Variants in NAALADL2 observed in about 807,000 individuals in gnomAD.
NAALADL2 encodes the protein inactive N-acetylated-alpha-linked acidic dipeptidase-like protein 2.
In NAALADL2, 76 loss-of-function variants were observed where a neutral mutation model predicts 87.2. The observed-to-expected ratio is 0.87, with a 90% CI of 0.72 to 1.05. The LOEUF is 1.05. NAALADL2 is among the 50% of genes least tolerant of loss of function. The pLI, the probability that NAALADL2 is intolerant of heterozygous loss-of-function variation, is 0.00. For synonymous variants in NAALADL2, 354 were observed against 331.0 expected (o/e 1.07, Z -0.75); for missense variants, 1,089 against 945.8 (o/e 1.15, Z -1.99).
At chr3:175,069,782 A>G (rs1715252663) in intron 1 of NAALADL2, among the ~76,000 whole-genome samples, 1 of 151,700 alleles carries the variant, frequency 6.6e-6, no homozygotes, top group Admixed American at 6.6e-5. Context: ...ACAATGATAG[A>G]CTGGATTAAG....
intron 5 of NAALADL2, among the ~76,000 whole-genome samples, chr3:175,348,404 T>C (rs1186912995): frequency 6.6e-6 from 1 of 152,212 alleles, no homozygotes; most frequent in Non-Finnish European, 1.5e-5. Flanking sequence ...TACCATAGAC[T>C]TGTGTATTAG....
At chr3:174,754,196 A>G (rs907540877) in intron 3 of NAALADL2, among the ~76,000 whole-genome samples, 9 of 152,222 alleles carry the variant, frequency 5.9e-5, no homozygotes, top group African/African-American at 2.2e-4. Flanking sequence ...TAGGGATTCT[A>G]ATGAGAAACT....
At chr3:174,444,290 G>A (rs1189351697) in intron 1 of NAALADL2, among the ~76,000 whole-genome samples, 1 of 152,120 alleles carries the variant, frequency 6.6e-6, no homozygotes, top group East Asian at 1.9e-4. Context: ...AGATGGAGGT[G>A]GGGAATGTGG....
chr3:175,533,248 A>G (rs1357696002), intron 9 of NAALADL2, among the ~76,000 whole-genome samples: 1 of 152,178 alleles, frequency 6.6e-6, no homozygotes, highest in Non-Finnish European at 1.5e-5. Flanking sequence ...TTCTGCTTAT[A>G]TAAGATAGAA....
At chr3:174,578,581 T>A (rs2108553400) in intron 2 of NAALADL2, among the ~76,000 whole-genome samples, 1 of 152,054 alleles carries the variant, frequency 6.6e-6, no homozygotes, top group East Asian at 1.9e-4. Flanking sequence ...CTGAATGAAT[T>A]TTGGAAGGGT....
chr3:174,836,880 A>G (rs569030463), intron 3 of NAALADL2, among the ~76,000 whole-genome samples: 4 of 152,308 alleles, frequency 2.6e-5, no homozygotes, highest in Non-Finnish European at 4.4e-5. Flanking sequence ...AGTATAAAAC[A>G]TCTAGAAGAA....
chr3:174,797,509 G>A (rs549468381), intron 3 of NAALADL2, among the ~76,000 whole-genome samples: 38 of 151,510 alleles, frequency 2.5e-4, no homozygotes, highest in Admixed American at 9.2e-4. Flanking sequence ...GAGAGACAGG[G>A]TTTCACCATG....
intron 1 of NAALADL2, among the ~76,000 whole-genome samples, chr3:175,083,379 G>C (rs1718255502): frequency 6.6e-6 from 1 of 152,188 alleles, no homozygotes; most frequent in Non-Finnish European, 1.5e-5. Context: ...GCATACATGT[G>C]AAAGAATGAT....
intron 1 of NAALADL2, among the ~76,000 whole-genome samples, chr3:174,908,021 GTTTTTTTTTTT>G (rs35051279): frequency 1.2e-5 from 1 of 82,564 alleles, no homozygotes; most frequent in East Asian, 4.0e-4. Context: ...AGAGAAGTTG[GTTTTTTTTTTT>G]TTTTTTTTTT....
chr3:175,106,145 A>G (rs1723117841), intron 2 of NAALADL2, among the ~76,000 whole-genome samples: 1 of 152,098 alleles, frequency 6.6e-6, no homozygotes, highest in Non-Finnish European at 1.5e-5. Flanking sequence ...ACAAACTGAG[A>G]TTAGGTTAGT....
chr3:174,805,158 T>C (rs1295752507), intron 3 of NAALADL2, among the ~76,000 whole-genome samples: 1 of 152,118 alleles, frequency 6.6e-6, no homozygotes, highest in African/African-American at 2.4e-5. Flanking sequence ...TGGGAATCTT[T>C]TATGCTGTCA....
At chr3:174,659,231 A>G (rs1725274425) in intron 2 of NAALADL2, among the ~76,000 whole-genome samples, 1 of 152,206 alleles carries the variant, frequency 6.6e-6, no homozygotes, top group African/African-American at 2.4e-5. Context: ...TAAAACTTGA[A>G]ATCAAAACTA....
chr3:175,046,561 G>C (rs373875492), intron 1 of NAALADL2, among the ~76,000 whole-genome samples: 1 of 152,250 alleles, frequency 6.6e-6, no homozygotes, highest in East Asian at 1.9e-4. Flanking sequence ...TCTCAGAAAA[G>C]AGAAGTTTCT....
At chr3:175,353,262 C>A (rs1413061163) in intron 5 of NAALADL2, among the ~76,000 whole-genome samples, 1 of 151,958 alleles carries the variant, frequency 6.6e-6, no homozygotes, top group Non-Finnish European at 1.5e-5. Context: ...GTCCCATCTA[C>A]TTGAGAGGTT....
chr3:175,069,929 G>A (rs1308967950), intron 1 of NAALADL2, among the ~76,000 whole-genome samples: 33 of 146,718 alleles, frequency 2.2e-4, no homozygotes, highest in Admixed American at 5.6e-4. Flanking sequence ...ACCAAACACC[G>A]CATATTCTCA....
At chr3:175,312,672 A>G (rs980891008) in intron 4 of NAALADL2, among the ~76,000 whole-genome samples, 3 of 152,206 alleles carry the variant, frequency 2.0e-5, no homozygotes, top group Admixed American at 6.5e-5. Context: ...GATTCCTGCC[A>G]TTACCACTTA....
At chr3:174,965,278 C>A (rs1032713575) in intron 1 of NAALADL2, among the ~76,000 whole-genome samples, 1 of 152,110 alleles carries the variant, frequency 6.6e-6, no homozygotes, top group Non-Finnish European at 1.5e-5. Flanking sequence ...AACAGGGAAG[C>A]AGCTTTTCCT....
intron 3 of NAALADL2, among the ~76,000 whole-genome samples, chr3:174,833,885 T>C (rs1048523096): frequency 1.3e-4 from 19 of 150,134 alleles, no homozygotes; most frequent in African/African-American, 1.7e-4. Flanking sequence ...ACACCAAAAT[T>C]GAAAAAGATT....
At chr3:175,794,837 A>C (rs1442286153) in intron 13 of NAALADL2, among the ~76,000 whole-genome samples, 1 of 152,238 alleles carries the variant, frequency 6.6e-6, no homozygotes, top group East Asian at 1.9e-4. Context: ...AGGCTGCCTG[A>C]GACAACATAC....
Sources: gnomAD v4.1 joint callset for allele counts (sites outside exome capture counted in the v4.1 genomes callset) on GRCh38, gnomAD v4.1.1 for gene constraint, MANE v1.5 for transcripts, NCBI Gene and HGNC (gene_info 2026-07-23, HGNC 2026-07-21) for gene names.